MDM4: variants seen among roughly 807,000 people sequenced by gnomAD.
MDM4 encodes MDM4 regulator of p53, also known as protein Mdm4.
A neutral mutation model predicts 60.2 loss-of-function variants in MDM4; 2 were observed. The observed-to-expected ratio is 0.03, with a 90% confidence interval of 0.01 to 0.10. The LOEUF is 0.10. Ranked by LOEUF, MDM4 falls within the 10% of genes least tolerant of loss-of-function variation. The probability of loss-of-function intolerance (pLI) is 1.00; values close to 1 mark genes in which losing one functional copy is unlikely to be tolerated. For synonymous variants in MDM4, 202 were observed against 198.1 expected (o/e 1.02, Z -0.17); for missense variants, 447 against 577.5 (o/e 0.77, Z 2.32).
intron 1 of MDM4, among the ~76,000 whole-genome samples, chr1:204,517,046 A>G (rs1450895116): frequency 6.6e-6 from 1 of 151,992 alleles, no homozygotes; most frequent in Non-Finnish European, 1.5e-5. Context: ...TTCGAGACCA[A>G]CCTGGCCAAC....
chr1:204,547,680 C>T (rs1662799138), intron 10 of MDM4, among the ~76,000 whole-genome samples: 1 of 152,158 alleles, frequency 6.6e-6, no homozygotes, highest in Non-Finnish European at 1.5e-5. Flanking sequence ...ATATATTGGT[C>T]CAGTAAGTGT....
Position 204,552,012 on chromosome 1 carries a change from C to T in MDM4, c.*2330C>T, listed in dbSNP as rs192897757. 65 of 171,368 alleles carry T rather than the reference C, an allele frequency of 3.8e-4. No homozygotes were observed. In the East Asian group the frequency reaches 5.8e-3, roughly 15 times the overall value. The allele number at this position is 171,368 out of a possible 1,614,324, so 10.6% of individuals were successfully genotyped here. ...AAAAAAAAAAAAATCGTGGACCGGG[C>T]GTAGTGGCTCACGCCTGTAATCCCA... On this transcript the variant is annotated 3_prime_UTR_variant, in exon 11 of 11. Transcript: ENST00000367182.
intron 9 of MDM4, among the ~76,000 whole-genome samples, chr1:204,545,738 C>G (rs1355475612): frequency 6.6e-6 from 1 of 152,096 alleles, no homozygotes; most frequent in Non-Finnish European, 1.5e-5. Flanking sequence ...TTTTGCCCAA[C>G]CTGGTCTTAA....
At chr1:204,537,992 GT>G (rs752620801) in intron 6 of MDM4, 86 of 753,986 alleles carry the variant, frequency 1.1e-4, no homozygotes, top group Non-Finnish European at 1.6e-4. Flanking sequence ...TTGTGCAGAG[GT>G]TTTTTTTCCC....
chr1:204,539,914 T>C (rs1661857702), intron 7 of MDM4, among the ~76,000 whole-genome samples: 1 of 152,092 alleles, frequency 6.6e-6, no homozygotes, highest in African/African-American at 2.4e-5. Context: ...GAAAACTTAG[T>C]TTCATGCACG....
chr1:204,519,144 A>G (rs966200602), intron 1 of MDM4, among the ~76,000 whole-genome samples: 2 of 152,214 alleles, frequency 1.3e-5, no homozygotes, highest in South Asian at 4.1e-4. Context: ...ACAGTGCAAG[A>G]TAAGAGTGAA....
rs772880150 is a variant in MDM4, at chr1:204,525,475, TC to T, written c.-35-8del. 15 of 1,570,796 alleles carry T rather than the reference TC, an allele frequency of 9.5e-6. No homozygotes were observed. The highest frequency in any genetic ancestry group is 2.1e-5 in the Admixed American group (1 of 48,164). On this transcript the variant is annotated splice_polypyrimidine_tract_variant and splice_region_variant and intron_variant, in intron 1 of 10. Transcript: ENST00000367182. ...AGAATAGATGTTATAAATTTTTTTT[TC>T]TATTTAGTTTTACCAACAGACTGCA...
At chr1:204,532,809 G>A in intron 5 of MDM4, 1 of 1,611,736 alleles carries the variant, frequency 6.2e-7, no homozygotes. Context: ...ACGCTCTAGA[G>A]TTGGCAGATT....
At chr1:204,539,444 T>C (rs1296452600) in intron 7 of MDM4, among the ~76,000 whole-genome samples, 2 of 152,046 alleles carry the variant, frequency 1.3e-5, no homozygotes, top group African/African-American at 4.8e-5. Flanking sequence ...TAGCAACTCA[T>C]GAGTACTAGG....
chr1:204,525,447 A>C, intron 1 of MDM4, 37 bp from the exon 2 acceptor site: 1 of 1,542,396 alleles, frequency 6.5e-7, no homozygotes, highest in Non-Finnish European at 8.7e-7. Flanking sequence ...AATTTTCTGC[A>C]TTAGAATAGA....
intron 7 of MDM4, among the ~76,000 whole-genome samples, chr1:204,540,007 C>T (rs750224911): frequency 1.3e-5 from 2 of 151,476 alleles, no homozygotes; most frequent in Non-Finnish European, 2.9e-5. Flanking sequence ...ATTAGCCGGG[C>T]GCGGTGGCTC....
chr1:204,532,777 C>T (rs767260960), intron 5 of MDM4: 3 of 1,610,122 alleles, frequency 1.9e-6, no homozygotes, highest in Non-Finnish European at 2.5e-6. Context: ...AGAAATGGGT[C>T]ATTTGTTCTG....
rs564484740 is a variant in MDM4 at position 204,542,758 on chromosome 1, T to C, written c.512-26T>C. 5.1e-6 allele frequency: 8 copies of C among 1,565,094 alleles called. No individual in the cohort carries two copies. In the East Asian group the frequency reaches 1.8e-4, roughly 35 times the overall value. On this transcript the variant is annotated intron_variant, in intron 7 of 10. Transcript: ENST00000367182. ...AGTTATTACGTATTGTGCATAGTTA[T>C]CATTCTTTTCATTTGACTTCTATAG...
Position 204,551,979 on chromosome 1 carries a change from T to TAAAAAAAAAAAAA in MDM4, c.*2305_*2317dup, listed in dbSNP as rs35918019. ...CTAACACTAACAATAGCTGATGAGC[T>TAAAAAAAAAAAAA]AAAAAAAAAAAAAAAAAAAATCGTG... On this transcript the variant is annotated 3_prime_UTR_variant, in exon 11 of 11. Coordinates refer to ENST00000367182, the MANE Select transcript of MDM4 (RefSeq NM_002393.5). 7.4e-6 allele frequency: 1 copy of TAAAAAAAAAAAAA among 135,754 alleles called. No homozygotes were observed. The allele number at this position is 135,754 out of a possible 1,614,324, so 8.4% of individuals were successfully genotyped here. A position where few individuals can be genotyped will look rare whatever the true frequency, so the allele number is the denominator to read the frequency against.
At position 204,553,746 on chromosome 1, in the gene MDM4, C is replaced by A; in HGVS notation, c.*4064C>A. 1 of 225,292 alleles carries A rather than the reference C, an allele frequency of 4.4e-6. No individual in the cohort carries two copies. The highest frequency in any genetic ancestry group is 8.8e-6 in the Non-Finnish European group (1 of 113,038). The allele number at this position is 225,292 out of a possible 1,614,324, so 14.0% of individuals were successfully genotyped here. On this transcript the variant is annotated 3_prime_UTR_variant, in exon 11 of 11. Coordinates refer to ENST00000367182, the MANE Select transcript of MDM4 (RefSeq NM_002393.5). ...AAGTTCTTCTGTCTGAATATTAACT[C>A]ACTCTCCTTCCAGTGTACTTCACAG...
rs1315895026 is a variant in MDM4 at position 204,553,470 on chromosome 1, A to T, written c.*3788A>T. 1 of 226,060 alleles carries T rather than the reference A, an allele frequency of 4.4e-6. No homozygotes were observed. The highest frequency in any genetic ancestry group is 2.2e-5 in the African/African-American group (1 of 45,092). The allele number at this position is 226,060 out of a possible 1,614,324, so 14.0% of individuals were successfully genotyped here. A position where few individuals can be genotyped will look rare whatever the true frequency, so the allele number is the denominator to read the frequency against. ...AACCTCTTCATTTGGATGTTAAATT[A>T]TATGGTCACCTAGTTATAGGTAAGC... On this transcript the variant is annotated 3_prime_UTR_variant, in exon 11 of 11. Transcript: ENST00000367182.
chr1:204,525,019 TA>T (rs1659977543), intron 1 of MDM4, among the ~76,000 whole-genome samples: 1 of 152,346 alleles, frequency 6.6e-6, no homozygotes, highest in East Asian at 1.9e-4. Flanking sequence ...TGTTGACTCT[TA>T]GTTAACTTTC....
At chr1:204,533,959 G>A (rs1391076457) in intron 5 of MDM4, among the ~76,000 whole-genome samples, 2 of 151,526 alleles carry the variant, frequency 1.3e-5, no homozygotes, top group Non-Finnish European at 2.9e-5. Context: ...GGCTAATTTT[G>A]TTTTTTTGTA....
chr1:204,520,817 A>G (rs1487880425), intron 1 of MDM4, among the ~76,000 whole-genome samples: 6 of 152,214 alleles, frequency 3.9e-5, no homozygotes, highest in Admixed American at 3.3e-4. Flanking sequence ...TCGAGGTGGC[A>G]GTGAGCTATG....
Sources: gnomAD v4.1 joint callset for allele counts (sites outside exome capture counted in the v4.1 genomes callset) on GRCh38, gnomAD v4.1.1 for gene constraint, MANE v1.5 for transcripts, NCBI Gene and HGNC (gene_info 2026-07-23, HGNC 2026-07-21) for gene names.